The following CEMIP2 variants were observed in gnomAD, a reference collection of about 807,000 sequenced individuals.
CEMIP2 encodes cell migration inducing hyaluronidase 2.
In CEMIP2, 79 loss-of-function variants were observed where a neutral mutation model predicts 146.9. The observed-to-expected ratio is 0.54, with a 90% CI of 0.45 to 0.65. The LOEUF is 0.65. Ranked by LOEUF, CEMIP2 falls within the 30% of genes least tolerant of loss-of-function variation. CEMIP2 has a pLI of 0.00. For synonymous variants in CEMIP2, 601 were observed against 606.3 expected, an observed-to-expected ratio of 0.99 and a Z score of 0.13; for missense variants, 1,596 against 1,696.2, an observed-to-expected ratio of 0.94 and a Z score of 1.04.
intron 21 of CEMIP2, among the ~76,000 whole-genome samples, chr9:71,693,070 A>G (rs761999251): frequency 1.3e-5 from 2 of 152,226 alleles, no homozygotes; most frequent in Non-Finnish European, 2.9e-5. Context: ...ATGCCACTGA[A>G]CTGCCCACTT....
intron 22 of CEMIP2, among the ~76,000 whole-genome samples, chr9:71,688,402 T>G (rs1338741314): frequency 6.6e-6 from 1 of 152,064 alleles, no homozygotes; most frequent in Non-Finnish European, 1.5e-5. Context: ...TCTTTCTTTT[T>G]TTTTTAGAGA....
chr9:71,737,274 G>A (rs62549265), intron 5 of CEMIP2, among the ~76,000 whole-genome samples: 9,880 of 150,256 alleles, frequency 0.066, 482 homozygotes, highest in South Asian at 0.18. Context: ...CCAACATGGT[G>A]AAACCCCGTC....
chr9:71,700,945 C>A, intron 18 of CEMIP2, 121 bp from the exon 19 acceptor site: 1 of 909,124 alleles, frequency 1.1e-6, no homozygotes, highest in Non-Finnish European at 1.6e-6. Flanking sequence ...CCATAGTTTT[C>A]TCCTCCTTAA....
rs1822844298 is a variant in CEMIP2 at position 71,709,441 on chromosome 9, G to A, written c.2803C>T (p.Pro935Ser). The change falls in exon 17 of 24, where the codon CCC becomes TCC. Residue 935 changes from proline (P) to serine (S), a missense_variant. Pro to Ser is a moderately conservative substitution (Grantham distance 74). Coordinates refer to ENST00000377044, the MANE Select transcript of CEMIP2 (RefSeq NM_013390.3). The stretch of plus-strand genomic sequence containing the variant: ...TCCATCTCACAATCTTCAAACCAGG[G>A]ACCAGGCTTTCCAAAAAAGACATTC... ...SLNVFFGKPG[P>S]WFEDCEMDGD... 37 of 1,614,082 alleles carry A rather than the reference G, an allele frequency of 2.3e-5. No individual in the cohort carries two copies. The highest frequency in any genetic ancestry group is 3.1e-5 in the Non-Finnish European group (36 of 1,180,022).
At chr9:71,759,828 T>TGG (rs34134528) in intron 1 of CEMIP2, among the ~76,000 whole-genome samples, 207 of 60,750 alleles carry the variant, frequency 3.4e-3, no homozygotes, top group Middle Eastern at 8.2e-3. Flanking sequence ...TACGGGGAGG[T>TGG]GGGGGGGGGA....
chr9:71,732,249 C>T, intron 7 of CEMIP2, 102 bp downstream of exon 7: 1 of 1,197,358 alleles, frequency 8.4e-7, no homozygotes, highest in Non-Finnish European at 1.2e-6. Flanking sequence ...ACATGATTTG[C>T]TTTTAATATC....
chr9:71,685,385 T>C lies in CEMIP2; in HGVS notation c.3964A>G (p.Ile1322Val), dbSNP rs1368044699. Residue 1322 changes from isoleucine to valine, a missense_variant, in exon 24 of 24, where the codon ATA becomes GTA. Physicochemically the swap from Ile to Val is conservative, Grantham distance 29 (BLOSUM62 3). Transcript: ENST00000377044. ...AAGTTTCCACTGAATCCCAAAAATATGGTACTCCCTAAAAAAAAAAAAAAA... is the reference window on the plus strand; with the variant it reads ...AAGTTTCCACTGAATCCCAAAAATACGGTACTCCCTAAAAAAAAAAAAAAA... Reference protein sequence around the residue: ...PAHLYDKGSTIFLGFSGNFKP... With the variant: ...PAHLYDKGSTVFLGFSGNFKP... 5.6e-6 allele frequency: 8 copies of C among 1,439,762 alleles called. No homozygotes were observed. Among genetic ancestry groups the C allele is most frequent in the East Asian group, 2.5e-5 (1 of 39,648 alleles). The allele number at this position is 1,439,762 out of a possible 1,614,324, so 89.2% of individuals were successfully genotyped here. A position where few individuals can be genotyped will look rare whatever the true frequency, so the allele number is the denominator to read the frequency against.
At chr9:71,690,280 T>A (rs748159438) in intron 21 of CEMIP2, 34 bp from the exon 22 acceptor site, 1 of 1,603,888 alleles carries the variant, frequency 6.2e-7, no homozygotes, top group Admixed American at 1.7e-5. Flanking sequence ...GCTGTCATCA[T>A]CATTTTGAGA....
In CEMIP2 at chr9:71,751,991, GCTAACA is replaced by G. The variant is rs1348715254; in HGVS notation, c.-12-1612_-12-1607del. ...TATTATGGTTAAGATTATAAAAATA[GCTAACA>G]CAATTAGTGCCTTATGTGTATTAAT... On this transcript the variant is annotated intron_variant, in intron 1 of 23. Transcript: ENST00000377044. Among the ~76,000 whole-genome samples the G allele has an allele frequency of 5.3e-5, 8 of 152,176 alleles. No individual in the cohort carries two copies. The East Asian group carries it at 9.7e-4, about 18-fold the overall frequency.
At chr9:71,752,716 T>A (rs1824298611) in intron 1 of CEMIP2, among the ~76,000 whole-genome samples, 1 of 152,036 alleles carries the variant, frequency 6.6e-6, no homozygotes, top group African/African-American at 2.4e-5. Context: ...GTCATAAAGG[T>A]ACTTCCAAAT....
intron 10 of CEMIP2, among the ~76,000 whole-genome samples, chr9:71,728,250 T>C (rs374400588): frequency 0.02 from 467 of 23,316 alleles, 56 homozygotes; most frequent in Non-Finnish European, 0.037. Flanking sequence ...TATATATATA[T>C]GTATATACAC....
chr9:71,714,117 T>C (rs1298106556), intron 15 of CEMIP2, among the ~76,000 whole-genome samples: 10 of 152,180 alleles, frequency 6.6e-5, no homozygotes, highest in South Asian at 4.1e-4. Context: ...ACAGTCTGTA[T>C]GTCCCATTCC....
At chr9:71,738,463 G>A (rs1046349920) in intron 5 of CEMIP2, among the ~76,000 whole-genome samples, 2 of 151,634 alleles carry the variant, frequency 1.3e-5, no homozygotes, top group Admixed American at 6.6e-5. Context: ...TGCAGTGAGC[G>A]ACAATCGCAC....
At chr9:71,757,057 G>C (rs2132035341) in intron 1 of CEMIP2, among the ~76,000 whole-genome samples, 1 of 152,224 alleles carries the variant, frequency 6.6e-6, no homozygotes, top group East Asian at 1.9e-4. Context: ...CAAGACAAAG[G>C]TACTTATCAC....
At chr9:71,714,077 C>T (rs1822981236) in intron 15 of CEMIP2, among the ~76,000 whole-genome samples, 1 of 152,150 alleles carries the variant, frequency 6.6e-6, no homozygotes, top group Admixed American at 6.5e-5. Flanking sequence ...TCCCCCGAGT[C>T]CTCACTCTGC....
intron 1 of CEMIP2, among the ~76,000 whole-genome samples, chr9:71,752,402 A>T (rs1445720831): frequency 1.3e-5 from 2 of 148,320 alleles, no homozygotes; most frequent in African/African-American, 5.0e-5. Flanking sequence ...AGCAATTATA[A>T]GTTTTTGAAT....
At chr9:71,766,659 A>C (rs1209307894) in intron 1 of CEMIP2, among the ~76,000 whole-genome samples, 3 of 152,214 alleles carry the variant, frequency 2.0e-5, no homozygotes, top group Non-Finnish European at 4.4e-5. Context: ...CAAATAATTA[A>C]CTGTGACACA....
chr9:71,719,398 G>A (rs1823164157), intron 12 of CEMIP2, among the ~76,000 whole-genome samples: 1 of 152,198 alleles, frequency 6.6e-6, no homozygotes, highest in African/African-American at 2.4e-5. Context: ...AGAATAGAGA[G>A]GAGGGCAAGG....
intron 1 of CEMIP2, among the ~76,000 whole-genome samples, chr9:71,762,720 G>A (rs1327149894): frequency 6.6e-6 from 1 of 152,164 alleles, no homozygotes; most frequent in Admixed American, 6.5e-5. Context: ...GCATTAAAAA[G>A]CAATGTTAGT....
Sources: gnomAD v4.1 joint callset for allele counts (sites outside exome capture counted in the v4.1 genomes callset) on GRCh38, gnomAD v4.1.1 for gene constraint, MANE v1.5 for transcripts, NCBI Gene and HGNC (gene_info 2026-07-23, HGNC 2026-07-21) for gene names.